CAPN10: variants seen among roughly 807,000 people sequenced by gnomAD.
CAPN10 encodes the protein calpain-10.
A neutral mutation model predicts 78.4 loss-of-function variants in CAPN10; 71 were observed. That is an observed-to-expected ratio of 0.91 (90% CI 0.75 to 1.10). The LOEUF (loss-of-function observed/expected upper bound fraction) is 1.10. CAPN10 is among the 50% of genes least tolerant of loss of function. CAPN10 has a pLI of 0.00. For missense variants in CAPN10, 849 were observed against 924.6 expected, an observed-to-expected ratio of 0.92 and a Z score of 1.06; for synonymous variants, 437 against 407.2, an observed-to-expected ratio of 1.07 and a Z score of -0.88.
At chr2:240,594,139 G>T in intron 5 of CAPN10, 92 bp downstream of exon 5, 1 of 1,341,854 alleles carries the variant, frequency 7.5e-7, no homozygotes, top group Non-Finnish European at 1.0e-6. Context: ...TGTCAGGACT[G>T]TACTTGGCTG....
At chr2:240,592,537 G>C (rs56027088) in intron 4 of CAPN10, 1 of 477,302 alleles carries the variant, frequency 2.1e-6, no homozygotes, top group Non-Finnish European at 4.3e-6. Context: ...GGCCAGGTGT[G>C]GTGGCTCACA....
At position 240,595,038 on chromosome 2, in the gene CAPN10, C is replaced by T. The variant is rs779477564; in HGVS notation, c.1012C>T (p.His338Tyr). ...TTTCTCACTAGAGAGGCTGCTCTGC[C>T]ATACGCGGGCGCTGCCTGGGGCCTG... is the stretch of plus-strand genomic sequence containing the variant. ...QSLYTERLLC[H>Y]TRALPGAWVK... is the part of the protein sequence containing the mutation. The change falls in exon 7 of 12, where the codon CAT becomes TAT. Residue 338 changes from histidine (H) to tyrosine (Y), a missense_variant. Physicochemically the swap from His to Tyr is moderately conservative, Grantham distance 83 (BLOSUM62 2). Coordinates refer to ENST00000391984, the MANE Select transcript of CAPN10 (RefSeq NM_023083.4). The T allele has an allele frequency of 4.3e-6, 7 of 1,612,942 alleles. No individual in the cohort carries two copies. Among genetic ancestry groups the T allele is most frequent in the Non-Finnish European group, 5.9e-6 (7 of 1,180,002 alleles).
rs539114962 is a variant in CAPN10 at position 240,586,911 on chromosome 2, G to T, written c.-1G>T. 1.3e-5 allele frequency: 18 copies of T among 1,419,476 alleles called. No individual in the cohort carries two copies. In the African/African-American group the frequency reaches 2.5e-4, roughly 20 times the overall value. 87.9% of individuals were successfully genotyped at this position (1,419,476 alleles called of 1,614,324 possible). A position where few individuals can be genotyped will look rare whatever the true frequency, so the allele number is the denominator to read the frequency against. The stretch of plus-strand genomic sequence containing the variant: ...GCAGATGGGAGCCCGCGGAGCCGAG[G>T]ATGCGGGCGGGCCGGGGCGCGACGC... On this transcript the variant is annotated 5_prime_UTR_variant, in exon 1 of 12. Transcript: ENST00000391984.
chr2:240,598,808 C>T lies in CAPN10; in HGVS notation c.*128C>T, dbSNP rs2093154088. 1 of 909,476 alleles carries T rather than the reference C, an allele frequency of 1.1e-6. No individual in the cohort carries two copies. Among genetic ancestry groups the T allele is most frequent in the South Asian group, 1.5e-5 (1 of 67,980 alleles). The allele number at this position is 909,476 out of a possible 1,614,324, so 56.3% of individuals were successfully genotyped here. A position where few individuals can be genotyped will look rare whatever the true frequency, so the allele number is the denominator to read the frequency against. ...GTCTTGGCCTGCCTCCCAGCCCTGC[C>T]AGGAGGCTGCGGCCTAGGGGTCCAC... is the stretch of plus-strand genomic sequence containing the variant. On this transcript the variant is annotated 3_prime_UTR_variant, in exon 12 of 12. Coordinates refer to ENST00000391984, the MANE Select transcript of CAPN10 (RefSeq NM_023083.4).
At chr2:240,590,761 C>A in intron 2 of CAPN10, 54 bp from the exon 3 acceptor site, 1 of 1,552,000 alleles carries the variant, frequency 6.4e-7, no homozygotes. Context: ...ACTGGAGTAG[C>A]GCCGGGTGGT....
chr2:240,587,171 C>T, intron 1 of CAPN10, 119 bp downstream of exon 1: 1 of 523,094 alleles, frequency 1.9e-6, no homozygotes. Flanking sequence ...CGCCGTTGTT[C>T]TCCTCAGAAG....
At chr2:240,591,738 G>A (rs958738712) in intron 3 of CAPN10, 195 bp from the exon 4 acceptor site, 7 of 600,856 alleles carry the variant, frequency 1.2e-5, no homozygotes, top group South Asian at 1.0e-4. Context: ...GGGCGCTCAC[G>A]CTTGCTGTGA....
chr2:240,597,971 C>A lies in CAPN10; in HGVS notation c.1827C>A (p.Ala609=). ...PLLSCVPHRY[A]QEVSRLCLLP... ...TGAGCTGCGTGCCACATCGCTACGC[C>A]CAGGAGGTGAGCCGGCTCTGCCTCC... Residue 609 remains alanine, a synonymous_variant, in exon 10 of 12, where the codon GCC becomes GCA. Coordinates refer to ENST00000391984, the MANE Select transcript of CAPN10 (RefSeq NM_023083.4). The A allele has an allele frequency of 6.2e-7, 1 of 1,613,046 alleles. No homozygotes were observed. Among genetic ancestry groups the A allele is most frequent in the Non-Finnish European group, 8.5e-7 (1 of 1,179,964 alleles).
At chr2:240,598,324 GGA>G in intron 10 of CAPN10, 26 bp from the exon 11 acceptor site, 1 of 1,613,220 alleles carries the variant, frequency 6.2e-7, no homozygotes, top group East Asian at 2.2e-5. Context: ...GTGCAGTCTG[GGA>G]GCGCTGATCT....
At position 240,586,795 on chromosome 2, in the gene CAPN10, C is replaced by A; in HGVS notation, c.-117C>A. 1 of 1,078,766 alleles carries A rather than the reference C, an allele frequency of 9.3e-7. No homozygotes were observed. Among genetic ancestry groups the A allele is most frequent in the Non-Finnish European group, 1.2e-6 (1 of 830,726 alleles). 66.8% of individuals were successfully genotyped at this position (1,078,766 alleles called of 1,614,324 possible). A position where few individuals can be genotyped will look rare whatever the true frequency, so the allele number is the denominator to read the frequency against. ...CTGCGGGGCCCTCGGGCTTGGAGGG[C>A]TGGGCCGGGCGGGGAACGGGCGGGG... On this transcript the variant is annotated 5_prime_UTR_variant, in exon 1 of 12. The change creates a new upstream start codon in the 5' untranslated region. Transcript: ENST00000391984.
intron 3 of CAPN10, chr2:240,591,386 C>G (rs185433907): frequency 8.1e-6 from 2 of 247,612 alleles, no homozygotes; most frequent in African/African-American, 4.5e-5. Context: ...ATGAGGCTAC[C>G]CCAGCATACC....
At chr2:240,594,265 C>T in intron 5 of CAPN10, 1 of 586,896 alleles carries the variant, frequency 1.7e-6, no homozygotes, top group South Asian at 2.4e-5. Context: ...TTCAATAGGG[C>T]AGACATCATC....
chr2:240,598,148 C>T (rs1365147141), intron 10 of CAPN10, 61 bp downstream of exon 10: 5 of 1,498,998 alleles, frequency 3.3e-6, no homozygotes, highest in African/African-American at 2.7e-5. Context: ...TCTTAGTGCT[C>T]GCCTGTCCCC....
At chr2:240,590,768 T>G in intron 2 of CAPN10, 47 bp from the exon 3 acceptor site, 1 of 1,574,630 alleles carries the variant, frequency 6.4e-7, no homozygotes, top group East Asian at 2.3e-5. Context: ...TAGCGCCGGG[T>G]GGTGCTTATA....
chr2:240,588,928 T>C (rs1226269399), intron 1 of CAPN10, among the ~76,000 whole-genome samples: 1 of 151,928 alleles, frequency 6.6e-6, no homozygotes, highest in East Asian at 1.9e-4. Flanking sequence ...TGTGGATGTT[T>C]TGAGTAGACG....
intron 2 of CAPN10, chr2:240,589,900 C>T (rs1210435229): frequency 6.1e-6 from 1 of 164,604 alleles, no homozygotes; most frequent in Non-Finnish European, 1.3e-5. Context: ...AAACCTGTTT[C>T]TGTGGGTAGA....
chr2:240,592,541 G>A (rs1175051609), intron 4 of CAPN10: 1 of 475,854 alleles, frequency 2.1e-6, no homozygotes, highest in Non-Finnish European at 4.3e-6. Context: ...AGGTGTGGTG[G>A]CTCACACCTG....
rs1160489053 is a variant in CAPN10, at chr2:240,586,994, G to A, written c.83G>A (p.Cys28Tyr). 2.0e-6 allele frequency: 3 copies of A among 1,487,238 alleles called. No homozygotes were observed. The highest frequency in any genetic ancestry group is 4.7e-5 in the Admixed American group (2 of 42,518). The allele number at this position is 1,487,238 out of a possible 1,614,324, so 92.1% of individuals were successfully genotyped here. ...CCCGCCGCGGACTCCTCGCTCTTCTGCGACTTGTCTACGCCGCTGGCCCAG... is the reference window on the plus strand; with the variant it reads ...CCCGCCGCGGACTCCTCGCTCTTCTACGACTTGTCTACGCCGCTGGCCCAG... ...AFPAADSSLF[C>Y]DLSTPLAQFR... The change falls in exon 1 of 12, where the codon TGC (cysteine) becomes TAC (tyrosine). Residue 28 changes from cysteine (C) to tyrosine (Y), a missense_variant. Transcript: ENST00000391984.
At chr2:240,592,402 G>A (rs564401317) in intron 4 of CAPN10, 384 of 696,170 alleles carry the variant, frequency 5.5e-4, no homozygotes, top group Admixed American at 9.0e-4. Flanking sequence ...AGGTGGCACC[G>A]AGTCAAAGCC....
Sources: gnomAD v4.1 joint callset for allele counts (sites outside exome capture counted in the v4.1 genomes callset) on GRCh38, gnomAD v4.1.1 for gene constraint, MANE v1.5 for transcripts, NCBI Gene and HGNC (gene_info 2026-07-23, HGNC 2026-07-21) for gene names.